The following FGF1 variants were observed in gnomAD, a reference collection of about 807,000 sequenced individuals.
The protein encoded by FGF1 is beta-endothelial cell growth factor.
Under a neutral mutation model 13.4 loss-of-function variants are expected in FGF1, and 9 were observed. The observed-to-expected ratio is 0.67, with a 90% CI of 0.40 to 1.17. The LOEUF (loss-of-function observed/expected upper bound fraction) is 1.17, where lower values mean the gene tolerates loss of function less well. Among genes scored for constraint, FGF1 ranks in the 50% most tolerant of loss-of-function variants. The pLI, the probability that FGF1 is intolerant of heterozygous loss-of-function variation, is 0.01. For synonymous variants in FGF1, 93 were observed against 79.0 expected, an observed-to-expected ratio of 1.18 and a Z score of -0.94; for missense variants, 156 against 192.7, an observed-to-expected ratio of 0.81 and a Z score of 1.13.
chr5:142,622,980 C>G (rs941717631), intron 1 of FGF1, among the ~76,000 whole-genome samples: 1 of 152,236 alleles, frequency 6.6e-6, no homozygotes, highest in Non-Finnish European at 1.5e-5. Context: ...CTCCCAGAAG[C>G]TCATGAAAGC....
At position 142,594,539 on chromosome 5, in the gene FGF1, A is replaced by T. The variant is rs916977392; in HGVS notation, c.*751T>A. 5.9e-5 allele frequency: 9 copies of T among 152,216 alleles called. No homozygotes were observed. Among genetic ancestry groups the T allele is most frequent in the African/African-American group, 2.2e-4 (9 of 41,410 alleles). 9.4% of individuals were successfully genotyped at this position (152,216 alleles called of 1,614,324 possible). On this transcript the variant is annotated 3_prime_UTR_variant, in exon 4 of 4. Transcript: ENST00000337706. ...GATCCACATGAATTTCCCAGCTCTG[A>T]TATCCTTGCTTGTTATCAGGAAACC...
intron 1 of FGF1, among the ~76,000 whole-genome samples, chr5:142,647,499 TCTC>T (rs1176285551): frequency 6.6e-6 from 1 of 152,172 alleles, no homozygotes; most frequent in Non-Finnish European, 1.5e-5. Context: ...AACTTGTAGT[TCTC>T]CTCTTAATTT....
At chr5:142,622,222 CCTT>C (rs1473427907) in intron 1 of FGF1, among the ~76,000 whole-genome samples, 1 of 152,212 alleles carries the variant, frequency 6.6e-6, no homozygotes, top group African/African-American at 2.4e-5. Context: ...TTCACTGACT[CCTT>C]CATTAGTCTC....
chr5:142,683,769 C>T (rs1268532967), intron 1 of FGF1, among the ~76,000 whole-genome samples: 4 of 133,376 alleles, frequency 3.0e-5, no homozygotes, highest in Admixed American at 9.0e-5. Flanking sequence ...TGCAGTGAGC[C>T]GAGATTGTGC....
At chr5:142,651,029 C>T (rs1371783523) in intron 1 of FGF1, among the ~76,000 whole-genome samples, 1 of 152,174 alleles carries the variant, frequency 6.6e-6, no homozygotes, top group African/African-American at 2.4e-5. Context: ...GAGGGTGGTG[C>T]AAACGCAGCT....
intron 1 of FGF1, chr5:142,680,010 C>T (rs901867843): frequency 2.0e-5 from 3 of 152,236 alleles, no homozygotes; most frequent in Non-Finnish European, 4.4e-5. Context: ...TTCCAAGCCT[C>T]TCTCCTTGGC....
chr5:142,655,098 G>A (rs1221123813), intron 1 of FGF1, among the ~76,000 whole-genome samples: 2 of 152,210 alleles, frequency 1.3e-5, no homozygotes, highest in African/African-American at 2.4e-5. Context: ...CTGGAGGACC[G>A]AATGGTGCCT....
intron 1 of FGF1, among the ~76,000 whole-genome samples, chr5:142,649,443 G>A (rs2151970774): frequency 6.7e-6 from 1 of 150,328 alleles, no homozygotes; most frequent in Admixed American, 6.6e-5. Flanking sequence ...GTCTCGCTTT[G>A]TCGCCCAGGC....
At chr5:142,612,046 A>G (rs567565375) in intron 2 of FGF1, among the ~76,000 whole-genome samples, 3 of 152,204 alleles carry the variant, frequency 2.0e-5, no homozygotes, top group Non-Finnish European at 4.4e-5. Context: ...TTCTTTTTGT[A>G]CAAATGAGAA....
chr5:142,688,678 G>A (rs1218971537), upstream of FGF1, among the ~76,000 whole-genome samples: 1 of 152,210 alleles, frequency 6.6e-6, no homozygotes, highest in Non-Finnish European at 1.5e-5. Flanking sequence ...CCTGGAGAAA[G>A]GAAGAAAATT....
At chr5:142,695,177 G>A (rs1752902410) in intron 2 of FGF1, among the ~76,000 whole-genome samples, 1 of 152,196 alleles carries the variant, frequency 6.6e-6, no homozygotes, top group Non-Finnish European at 1.5e-5. Flanking sequence ...AGCAGTACTT[G>A]CCTCGTAGGG....
chr5:142,655,679 A>C (rs1453813987), intron 1 of FGF1, among the ~76,000 whole-genome samples: 1 of 152,250 alleles, frequency 6.6e-6, no homozygotes, highest in Non-Finnish European at 1.5e-5. Context: ...CAGAGCCCAG[A>C]GTAACTTGAA....
At chr5:142,620,047 A>T (rs10056567) in intron 1 of FGF1, among the ~76,000 whole-genome samples, 11,723 of 152,044 alleles carry the variant, frequency 0.077, 655 homozygotes, top group East Asian at 0.21. Flanking sequence ...TACAAGAGAC[A>T]CATTTAAAAC....
intron 1 of FGF1, among the ~76,000 whole-genome samples, chr5:142,629,868 ACATATATAT>A (rs2151922715): frequency 7.1e-6 from 1 of 140,198 alleles, no homozygotes. Flanking sequence ...TATTATATAT[ACATATATAT>A]TATATATATA....
chr5:142,678,522 G>A (rs183933036), intron 1 of FGF1, among the ~76,000 whole-genome samples: 11 of 152,084 alleles, frequency 7.2e-5, no homozygotes, highest in Non-Finnish European at 1.3e-4. Context: ...AGGCAAATTG[G>A]GCTTCGGGTA....
chr5:142,614,035 A>G lies in FGF1; in HGVS notation c.93T>C (p.Cys31=). ...GNYKKPKLLY[C]SNGGHFLRIL... is the part of the protein sequence containing the mutation. ...TCCTCAGGAAGTGGCCCCCGTTGCTACAGTAGAGGAGTTTGGGCTTCTTGT... is the reference window on the plus strand; with the variant it reads ...TCCTCAGGAAGTGGCCCCCGTTGCTGCAGTAGAGGAGTTTGGGCTTCTTGT... Residue 31 remains cysteine (C), a synonymous_variant, in exon 2 of 4, where the codon TGT becomes TGC. Transcript: ENST00000337706. The G allele has an allele frequency of 6.2e-7, 1 of 1,614,068 alleles. No individual in the cohort carries two copies. The highest frequency in any genetic ancestry group is 8.5e-7 in the Non-Finnish European group (1 of 1,179,984).
chr5:142,607,442 A>G (rs1757929929), intron 2 of FGF1, among the ~76,000 whole-genome samples: 1 of 152,204 alleles, frequency 6.6e-6, no homozygotes, highest in African/African-American at 2.4e-5. Flanking sequence ...GAAAAACAAG[A>G]TACGTCCATG....
chr5:142,629,218 C>G (rs755487917), intron 1 of FGF1, among the ~76,000 whole-genome samples: 9 of 152,140 alleles, frequency 5.9e-5, no homozygotes, highest in African/African-American at 2.2e-4. Context: ...TGCAGTGGCA[C>G]GAATACAGCT....
intron 2 of FGF1, among the ~76,000 whole-genome samples, chr5:142,608,186 A>G (rs191367047): frequency 3.3e-4 from 50 of 152,262 alleles, no homozygotes; most frequent in African/African-American, 1.2e-3. Context: ...TCAATGAGGA[A>G]AATGCCTGGA....
Sources: gnomAD v4.1 joint callset for allele counts (sites outside exome capture counted in the v4.1 genomes callset) on GRCh38, gnomAD v4.1.1 for gene constraint, MANE v1.5 for transcripts, NCBI Gene and HGNC (gene_info 2026-07-23, HGNC 2026-07-21) for gene names.